Variants in LYST observed in about 807,000 individuals in gnomAD.
LYST encodes lysosomal trafficking regulator, also known as lysosomal-trafficking regulator.
A neutral mutation model predicts 413.6 loss-of-function variants in LYST; 192 were observed. That is an observed-to-expected ratio of 0.46 (90% CI 0.41 to 0.52). LYST has a LOEUF of 0.52. Ranked by LOEUF, LYST falls within the 20% of genes least tolerant of loss-of-function variation. LYST has a pLI of 0.00. For missense variants in LYST, 3,815 were observed against 4,499.9 expected (o/e 0.85, Z 4.35); for synonymous variants, 1,525 against 1,567.3 (o/e 0.97, Z 0.64).
At position 235,809,193 on chromosome 1, in the gene LYST, T is replaced by G; in HGVS notation, c.1625A>C (p.Tyr542Ser). 6.2e-7 allele frequency: 1 copy of G among 1,613,960 alleles called. No homozygotes were observed. The highest frequency in any genetic ancestry group is 1.6e-4 in the Middle Eastern group (1 of 6,062). ...PFEETADGDV[Y>S]YPERCCCIAV... ...AATGCAACAGCACCGCTCAGGATAATAAACATCTCCATCTGCAGTCTCTTC... is the reference window on the plus strand; with the variant it reads ...AATGCAACAGCACCGCTCAGGATAAGAAACATCTCCATCTGCAGTCTCTTC... Residue 542 changes from tyrosine to serine, a missense_variant, in exon 5 of 53, where the codon TAT becomes TCT. By Grantham distance (144) the Tyr-to-Ser change is moderately radical. Coordinates refer to ENST00000389793, the MANE Select transcript of LYST (RefSeq NM_000081.4). This position sits in a 1 kb window ranked among gnomAD's most constrained non-coding sequence, Gnocchi z 4.0.
At chr1:235,793,479 A>T in intron 11 of LYST, 24 bp downstream of exon 11, 1 of 1,085,792 alleles carries the variant, frequency 9.2e-7, no homozygotes. Context: ...TCAGTGAAAA[A>T]TGTAAAAATT....
At chr1:235,862,601 G>C (rs1680002963) in intron 1 of LYST, among the ~76,000 whole-genome samples, 1 of 152,050 alleles carries the variant, frequency 6.6e-6, no homozygotes, top group Non-Finnish European at 1.5e-5. Context: ...TTCGAGACCA[G>C]CCTGGGCAAC....
intron 1 of LYST, among the ~76,000 whole-genome samples, chr1:235,840,417 T>A (rs1395699866): frequency 6.6e-6 from 1 of 151,692 alleles, no homozygotes; most frequent in East Asian, 1.9e-4. Context: ...ATGGAGGGAG[T>A]GGCTGGCAAA....
chr1:235,749,573 G>A (rs575624567), intron 28 of LYST, among the ~76,000 whole-genome samples: 59 of 152,218 alleles, frequency 3.9e-4, no homozygotes, highest in African/African-American at 1.4e-3. Flanking sequence ...TTAAGATGAG[G>A]AAGCTGGACT....
chr1:235,824,326 T>A (rs1298464464), intron 3 of LYST, among the ~76,000 whole-genome samples: 1 of 152,254 alleles, frequency 6.6e-6, no homozygotes, highest in Non-Finnish European at 1.5e-5. Context: ...TTATAACACA[T>A]GTTCATGTAT....
At chr1:235,692,264 C>T (rs1419058175) in intron 47 of LYST, among the ~76,000 whole-genome samples, 1 of 151,102 alleles carries the variant, frequency 6.6e-6, no homozygotes, top group African/African-American at 2.4e-5. Context: ...ATCCGGGAGG[C>T]GGAGGTTGCA....
chr1:235,728,144 A>G lies in LYST; in HGVS notation c.9107-13T>C. ...ATTCCACATTTACCTGCAGAAAGTA[A>G]TTGGATATAAGGGTTTTAAAATGTA... On this transcript the variant is annotated splice_polypyrimidine_tract_variant and intron_variant, in intron 37 of 52. Transcript: ENST00000389793. 6.3e-7 allele frequency: 1 copy of G among 1,597,106 alleles called. No homozygotes were observed. Among genetic ancestry groups the G allele is most frequent in the African/African-American group, 1.3e-5 (1 of 74,712 alleles).
chr1:235,693,124 G>A (rs962242063), intron 47 of LYST, among the ~76,000 whole-genome samples: 31 of 152,126 alleles, frequency 2.0e-4, no homozygotes, highest in African/African-American at 7.5e-4. Flanking sequence ...GACCATCCTT[G>A]CTAACACGAT....
At chr1:235,679,766 A>G (rs1659664884) in intron 48 of LYST, among the ~76,000 whole-genome samples, 1 of 152,184 alleles carries the variant, frequency 6.6e-6, no homozygotes, top group Non-Finnish European at 1.5e-5. Flanking sequence ...AGAGAGCAGA[A>G]TGAAAGGGAC....
chr1:235,717,427 C>T (rs1662943388), intron 40 of LYST, among the ~76,000 whole-genome samples: 1 of 152,184 alleles, frequency 6.6e-6, no homozygotes, highest in African/African-American at 2.4e-5. Context: ...CACATGACAC[C>T]ATTCCTTGAA....
chr1:235,741,231 G>A (rs1336040772), intron 31 of LYST, among the ~76,000 whole-genome samples, 191 bp downstream of exon 31: 1 of 152,128 alleles, frequency 6.6e-6, no homozygotes. Context: ...AAAAGATTGG[G>A]AAATAAACAC....
At chr1:235,780,261 C>T (rs1669707960) in intron 16 of LYST, among the ~76,000 whole-genome samples, 1 of 151,600 alleles carries the variant, frequency 6.6e-6, no homozygotes, top group Non-Finnish European at 1.5e-5. Flanking sequence ...AAAATTAGCC[C>T]GGTGTGGTGA....
At chr1:235,737,942 C>CATCATT in intron 31 of LYST, 1 of 1,266,844 alleles carries the variant, frequency 7.9e-7, no homozygotes, top group South Asian at 2.5e-5. Context: ...CCGCGTGCCC[C>CATCATT]AACACCCGCC....
intron 31 of LYST, among the ~76,000 whole-genome samples, chr1:235,740,471 AT>A (rs1451077647): frequency 1.3e-5 from 2 of 151,762 alleles, no homozygotes; most frequent in Non-Finnish European, 2.9e-5. Context: ...TTCTATCGTC[AT>A]ATCTTGGTTT....
Position 235,664,744 on chromosome 1 carries a change from C to A in LYST, c.11039-123G>T, listed in dbSNP as rs1201605009. The stretch of plus-strand genomic sequence containing the variant: ...GTTTATTGATGAAGTTTGTAGACAA[C>A]CCATGACTGAAGACTGTATAAATGA... On this transcript the variant is annotated intron_variant, in intron 50 of 52. Coordinates refer to ENST00000389793, the MANE Select transcript of LYST (RefSeq NM_000081.4). This position sits in a 1 kb window ranked among gnomAD's most constrained non-coding sequence, Gnocchi z 4.5. The A allele has an allele frequency of 2.5e-6, 2 of 803,212 alleles. No individual in the cohort carries two copies. The highest frequency in any genetic ancestry group is 1.7e-5 in the African/African-American group (1 of 58,606). The allele number at this position is 803,212 out of a possible 1,614,324, so 49.8% of individuals were successfully genotyped here.
Position 235,662,843 on chromosome 1 carries a change from T to C in LYST, c.*97A>G. 1 of 790,956 alleles carries C rather than the reference T, an allele frequency of 1.3e-6. No homozygotes were observed. The highest frequency in any genetic ancestry group is 2.3e-6 in the Non-Finnish European group (1 of 430,928). The allele number at this position is 790,956 out of a possible 1,614,324, so 49.0% of individuals were successfully genotyped here. A position where few individuals can be genotyped will look rare whatever the true frequency, so the allele number is the denominator to read the frequency against. On this transcript the variant is annotated 3_prime_UTR_variant, in exon 53 of 53. Coordinates refer to ENST00000389793, the MANE Select transcript of LYST (RefSeq NM_000081.4). ...ATCATTATTTGGATGGTTTGTCCAG[T>C]CATCCATTTCTTTAGGTTCAACCTC...
chr1:235,846,558 T>C (rs1677901186), intron 1 of LYST, among the ~76,000 whole-genome samples: 1 of 152,032 alleles, frequency 6.6e-6, no homozygotes, highest in African/African-American at 2.4e-5. Context: ...TTCAGGAGGT[T>C]AGATATTAAG....
intron 1 of LYST, among the ~76,000 whole-genome samples, chr1:235,858,121 T>G (rs1679423139): frequency 6.6e-6 from 1 of 152,186 alleles, no homozygotes; most frequent in Non-Finnish European, 1.5e-5. Context: ...GACTTAATGC[T>G]CTTTGCCTTC....
At chr1:235,828,346 T>C (rs1340104377) in intron 3 of LYST, 1 of 166,016 alleles carries the variant, frequency 6.0e-6, no homozygotes, top group African/African-American at 2.4e-5. Flanking sequence ...CAAAATTAAC[T>C]GTGGTGACAG....
Sources: gnomAD v4.1 joint callset for allele counts (sites outside exome capture counted in the v4.1 genomes callset) on GRCh38, gnomAD v4.1.1 for gene constraint, Gnocchi (gnomAD v3.1) non-coding constraint, MANE v1.5 for transcripts, NCBI Gene and HGNC (gene_info 2026-07-23, HGNC 2026-07-21) for gene names.